The following SLCO4C1 variants were observed in gnomAD, a reference collection of about 807,000 sequenced individuals.
SLCO4C1 encodes the protein solute carrier organic anion transporter family member 4C1, also known as organic anion transporter M1.
SLCO4C1 carries 58 observed loss-of-function variants against 72.1 expected under a neutral mutation model. The ratio of observed to expected loss-of-function variants is 0.80; its 90% confidence interval spans 0.65 to 1.00. The LOEUF (loss-of-function observed/expected upper bound fraction) is 1.00. Ranked by LOEUF, SLCO4C1 falls within the 50% of genes least tolerant of loss-of-function variation. The pLI is 0.00. For synonymous variants in SLCO4C1, 297 were observed against 312.5 expected (o/e 0.95, Z 0.52); for missense variants, 898 against 857.9 (o/e 1.05, Z -0.58).
intron 2 of SLCO4C1, among the ~76,000 whole-genome samples, chr5:102,284,717 G>A (rs1190119663): frequency 1.3e-5 from 2 of 151,928 alleles, no homozygotes; most frequent in Non-Finnish European, 2.9e-5. Context: ...TCTGCAGATA[G>A]TACTTTCAGA....
rs1314653511 is a variant in SLCO4C1 at position 102,257,991 on chromosome 5, T to A, written c.1225A>T (p.Ile409Leu). 3 of 1,609,200 alleles carry A rather than the reference T, an allele frequency of 1.9e-6. No homozygotes were observed. In the African/African-American group the frequency reaches 4.0e-5, roughly 22 times the overall value. ...GATGTCAATCCGAATTGATTTTCTATAAATTTAGGTAAAAATGTAGCAAAT... is the reference window on the plus strand; with the variant it reads ...GATGTCAATCCGAATTGATTTTCTAAAAATTTAGGTAAAAATGTAGCAAAT... ...TGFATFLPKFIENQFGLTSSF... is the reference protein window; with the variant it reads ...TGFATFLPKFLENQFGLTSSF... Residue 409 changes from isoleucine (I) to leucine (L), a missense_variant, in exon 7 of 13, where the codon ATA (isoleucine) becomes TTA (leucine). Ile to Leu is a conservative substitution (Grantham distance 5). Coordinates refer to ENST00000310954, the MANE Select transcript of SLCO4C1 (RefSeq NM_180991.5).
At chr5:102,265,661 T>C (rs1000863181) in intron 3 of SLCO4C1, among the ~76,000 whole-genome samples, 2 of 152,056 alleles carry the variant, frequency 1.3e-5, no homozygotes, top group African/African-American at 4.8e-5. Context: ...TCTGTTCCAT[T>C]GGTCAATGTG....
chr5:102,248,061 T>A (rs1047785624), intron 9 of SLCO4C1, among the ~76,000 whole-genome samples: 4 of 151,624 alleles, frequency 2.6e-5, no homozygotes, highest in Non-Finnish European at 5.9e-5. Flanking sequence ...ATGAGGTAAT[T>A]CAGCCTTTAA....
chr5:102,258,004 A>C lies in SLCO4C1; in HGVS notation c.1212T>G (p.Phe404Leu). The C allele has an allele frequency of 6.2e-7, 1 of 1,610,254 alleles. No homozygotes were observed. Among genetic ancestry groups the C allele is most frequent in the Non-Finnish European group, 8.5e-7 (1 of 1,178,750 alleles). ...ATTGATTTTCTATAAATTTAGGTAA[A>C]AATGTAGCAAATCCAGTAGTAATTA... ...EALITTGFATFLPKFIENQFG... is the reference protein window; with the variant it reads ...EALITTGFATLLPKFIENQFG... The change falls in exon 7 of 13, where the codon TTT becomes TTG. Residue 404 changes from phenylalanine (F) to leucine (L), a missense_variant. Physicochemically the swap from Phe to Leu is conservative, Grantham distance 22. Coordinates refer to ENST00000310954, the MANE Select transcript of SLCO4C1 (RefSeq NM_180991.5).
intron 4 of SLCO4C1, among the ~76,000 whole-genome samples, chr5:102,262,776 C>G (rs947230698): frequency 6.6e-6 from 1 of 152,144 alleles, no homozygotes; most frequent in African/African-American, 2.4e-5. Flanking sequence ...TAATTTTCCA[C>G]TGAAATTAAA....
intron 3 of SLCO4C1, among the ~76,000 whole-genome samples, chr5:102,268,736 C>T (rs1561375364): frequency 2.0e-5 from 3 of 152,016 alleles, no homozygotes; most frequent in South Asian, 4.1e-4. Flanking sequence ...TAAGTATCTT[C>T]TCTGCCATTG....
Position 102,237,401 on chromosome 5 carries a change from G to A in SLCO4C1, c.2015-383C>T, listed in dbSNP as rs77961745. ...GTGGATGTCTTGAGTCCAAGAGTTC[G>A]AGACCAGGCTGGGCACCATAGGAAA... On this transcript the variant is annotated intron_variant, in intron 12 of 12. Transcript: ENST00000310954. Among the ~76,000 whole-genome samples the A allele has an allele frequency of 4.8e-3, 728 of 151,770 alleles. 29 individuals carry two copies. The South Asian group carries it at 0.056, about 12-fold the overall frequency.
intron 8 of SLCO4C1, among the ~76,000 whole-genome samples, chr5:102,253,013 C>G (rs537504037): frequency 2.4e-4 from 36 of 152,130 alleles, no homozygotes; most frequent in African/African-American, 7.7e-4. Flanking sequence ...CTATAACAGG[C>G]TAAAATTTCC....
intron 5 of SLCO4C1, among the ~76,000 whole-genome samples, chr5:102,261,099 C>CT (rs1748934260): frequency 6.6e-6 from 1 of 152,080 alleles, no homozygotes; most frequent in African/African-American, 2.4e-5. Flanking sequence ...TCTTATTAAC[C>CT]TTTTCTTTTT....
At chr5:102,253,896 A>G (rs190357298) in intron 8 of SLCO4C1, among the ~76,000 whole-genome samples, 64 of 152,144 alleles carry the variant, frequency 4.2e-4, no homozygotes, top group African/African-American at 1.5e-3. Context: ...GCATCATATA[A>G]TATACCCAGG....
Position 102,270,742 on chromosome 5 carries a change from G to GTAGT in SLCO4C1, c.680_683dup (p.Tyr228Ter). 6.2e-7 allele frequency: 1 copy of GTAGT among 1,612,922 alleles called. No homozygotes were observed. The highest frequency in any genetic ancestry group is 8.5e-7 in the Non-Finnish European group (1 of 1,179,384). ...GTTGTCCCAAGATGAAGACATACAA[G>GTAGT]TAGTTAGAAAGTGAAGAAGTTGAAG... On this transcript the variant is annotated stop_gained and frameshift_variant, in exon 3 of 13. Transcript: ENST00000310954. LOFTEE classifies it high-confidence loss of function.
chr5:102,252,652 T>C (rs532470438), intron 8 of SLCO4C1, among the ~76,000 whole-genome samples: 1 of 152,324 alleles, frequency 6.6e-6, no homozygotes, highest in East Asian at 1.9e-4. Flanking sequence ...AAATAATTAC[T>C]GAGATCATAC....
At chr5:102,279,132 T>A (rs7732901) in intron 2 of SLCO4C1, among the ~76,000 whole-genome samples, 8,652 of 151,886 alleles carry the variant, frequency 0.057, 361 homozygotes, top group African/African-American at 0.12. Flanking sequence ...ATACTATCAA[T>A]ATCAGGAATC....
At chr5:102,257,403 T>C (rs7713888) in intron 7 of SLCO4C1, 93 bp from the exon 8 acceptor site, 30 of 968,600 alleles carry the variant, frequency 3.1e-5, no homozygotes, top group Non-Finnish European at 4.2e-5. Context: ...AGTGTCAATA[T>C]GGTTTTAACT....
intron 2 of SLCO4C1, among the ~76,000 whole-genome samples, chr5:102,279,939 T>C (rs1180422470): frequency 6.6e-6 from 1 of 151,870 alleles, no homozygotes; most frequent in Non-Finnish European, 1.5e-5. Flanking sequence ...GAGTAGAACT[T>C]TCCCAACTTG....
intron 2 of SLCO4C1, among the ~76,000 whole-genome samples, chr5:102,286,011 A>G (rs1168768102): frequency 6.6e-6 from 1 of 152,150 alleles, no homozygotes; most frequent in African/African-American, 2.4e-5. Context: ...TAAGAAAAAA[A>G]GATAAAATAG....
intron 5 of SLCO4C1, among the ~76,000 whole-genome samples, chr5:102,260,996 C>G (rs975229849): frequency 3.3e-5 from 5 of 152,138 alleles, no homozygotes; most frequent in African/African-American, 9.7e-5. Flanking sequence ...CAACTAAATA[C>G]CTTCAACCTA....
chr5:102,257,163 G>A lies in SLCO4C1; in HGVS notation c.1421C>T (p.Ala474Val). Reference protein sequence around the residue: ...ALTLSFVFMYAKCENEPFAGV... With the variant: ...ALTLSFVFMYVKCENEPFAGV... The stretch of plus-strand genomic sequence containing the variant: ...AGCAAATGGCTCATTTTCACATTTG[G>A]CATACATAAATACAAAACTCAGCGT... The change falls in exon 8 of 13, where the codon GCC becomes GTC. Residue 474 changes from alanine to valine, a missense_variant. Ala to Val is a moderately conservative substitution (Grantham distance 64). Transcript: ENST00000310954. 1 of 1,600,332 alleles carries A rather than the reference G, an allele frequency of 6.2e-7. No individual in the cohort carries two copies. Among genetic ancestry groups the A allele is most frequent in the Non-Finnish European group, 8.5e-7 (1 of 1,174,238 alleles).
chr5:102,291,821 T>C (rs935175799), intron 1 of SLCO4C1, among the ~76,000 whole-genome samples: 19 of 152,024 alleles, frequency 1.2e-4, no homozygotes, highest in African/African-American at 4.3e-4. Flanking sequence ...TATTTTTATT[T>C]TATTTATTTA....
Sources: gnomAD v4.1 joint callset for allele counts (sites outside exome capture counted in the v4.1 genomes callset) on GRCh38, gnomAD v4.1.1 for gene constraint, MANE v1.5 for transcripts, NCBI Gene and HGNC (gene_info 2026-07-23, HGNC 2026-07-21) for gene names.